Variants in RAB34 observed in about 807,000 individuals in gnomAD.
RAB34 encodes ras-related protein Rab-34.
Under a neutral mutation model 39.0 loss-of-function variants are expected in RAB34, and 33 were observed. The observed-to-expected ratio is 0.85, with a 90% CI of 0.64 to 1.13. The LOEUF (loss-of-function observed/expected upper bound fraction) is 1.13, where lower values mean the gene tolerates loss of function less well. Ranked by LOEUF, RAB34 falls within the 50% of genes most tolerant of loss-of-function variation. RAB34 has a pLI of 0.00. For synonymous variants in RAB34, 135 were observed against 125.1 expected (o/e 1.08, Z -0.53); for missense variants, 289 against 326.1 (o/e 0.89, Z 0.88).
At chr17:28,715,332 G>C (rs2033188338) in intron 6 of RAB34, 56 bp from the exon 7 acceptor site, 1 of 1,585,672 alleles carries the variant, frequency 6.3e-7, no homozygotes, top group Non-Finnish European at 8.6e-7. Flanking sequence ...CCCTCCCACT[G>C]ACATTCATAG....
rs376355510 is a variant in RAB34 at position 28,715,089 on chromosome 17, C to T, written c.547G>A (p.Ala183Thr). The change falls in exon 8 of 10, where the codon GCC becomes ACC. Residue 183 changes from alanine (A) to threonine (T), a missense_variant. Ala to Thr is a moderately conservative substitution (Grantham distance 58). Coordinates refer to ENST00000395245, the MANE Select transcript of RAB34 (RefSeq NM_031934.6). The part of the protein sequence containing the change: ...PAQYALMEKD[A>T]LQVAQEMKAE... ...TTCATCTCCTGGGCCACCTGGAGGG[C>T]GTCTTTCTCCATCAGCGCATACTGA... 8 of 1,614,082 alleles carry T rather than the reference C, an allele frequency of 5.0e-6. No homozygotes were observed. The African/African-American group carries it at 6.7e-5, about 13-fold the overall frequency.
Position 28,715,105 on chromosome 17 carries a change from C to T in RAB34, c.531G>A (p.Ala177=). The T allele has an allele frequency of 4.3e-6, 7 of 1,614,084 alleles. No homozygotes were observed. The highest frequency in any genetic ancestry group is 1.6e-4 in the Middle Eastern group (1 of 6,062). ...CCTGGAGGGCGTCTTTCTCCATCAG[C>T]GCATACTGAGCAGGGGTCTGAGGGA... ...KKDLSTPAQY[A]LMEKDALQVA... is the part of the protein sequence containing the mutation. The change falls in exon 8 of 10, where the codon GCG becomes GCA. Residue 177 remains alanine (A), a synonymous_variant. Transcript: ENST00000395245.
chr17:28,718,142 G>A (rs1205835827), upstream of RAB34: 1 of 1,611,208 alleles, frequency 6.2e-7, no homozygotes, highest in African/African-American at 1.3e-5. Flanking sequence ...TGGTGATGGG[G>A]AATCGGAGAC....
intron 2 of RAB34, chr17:28,716,351 G>T (rs1330021822): frequency 2.4e-6 from 1 of 424,746 alleles, no homozygotes; most frequent in Non-Finnish European, 4.2e-6. Flanking sequence ...AGTAAAGTTA[G>T]TATATATTTT....
chr17:28,715,514 G>C lies in RAB34; in HGVS notation c.380-7C>G, dbSNP rs200338745. On this transcript the variant is annotated splice_region_variant and splice_polypyrimidine_tract_variant and intron_variant, in intron 5 of 9. Coordinates refer to ENST00000395245, the MANE Select transcript of RAB34 (RefSeq NM_031934.6). ...TTGAAGACAATGATGATGGCTGGAA[G>C]AGTGGCAGAAACAGCCCCAGGTTGA... 1.2e-6 allele frequency: 2 copies of C among 1,614,156 alleles called. No homozygotes were observed. The highest frequency in any genetic ancestry group is 4.5e-5 in the East Asian group (2 of 44,888).
At position 28,717,249 on chromosome 17, in the gene RAB34, G is replaced by A. The variant is rs1315939915; in HGVS notation, c.18C>T (p.Pro6=). MNILA[P]VRRDRVLAEL... ...CCGCCAGGACGCGATCCCTCCGCACGGGTGCCAGAATGTTCATCCTGCCTG... is the reference window on the plus strand; with the variant it reads ...CCGCCAGGACGCGATCCCTCCGCACAGGTGCCAGAATGTTCATCCTGCCTG... The change falls in exon 1 of 10, where the codon CCC becomes CCT. Residue 6 remains proline, a synonymous_variant. Coordinates refer to ENST00000395245, the MANE Select transcript of RAB34 (RefSeq NM_031934.6). 2 of 1,606,192 alleles carry A rather than the reference G, an allele frequency of 1.2e-6. No individual in the cohort carries two copies. Among genetic ancestry groups the A allele is most frequent in the East Asian group, 2.2e-5 (1 of 44,726 alleles).
intron 1 of RAB34, 66 bp downstream of exon 1, chr17:28,717,147 G>A: frequency 6.5e-7 from 1 of 1,542,972 alleles, no homozygotes; most frequent in Non-Finnish European, 8.7e-7. Flanking sequence ...AACTGGTCTG[G>A]TGCCGCCTCC....
At chr17:28,717,189 G>T in intron 1 of RAB34, 24 bp downstream of exon 1, 1 of 1,588,662 alleles carries the variant, frequency 6.3e-7, no homozygotes. Context: ...GTAGACTGAA[G>T]CCCGACGTGG....
At chr17:28,717,880 C>T, upstream of RAB34, 2 of 1,360,356 alleles carry the variant, frequency 1.5e-6, no homozygotes, top group South Asian at 1.8e-5. Flanking sequence ...ACACGATCCC[C>T]GGAAATTCCT....
intron 7 of RAB34, 25 bp from the exon 8 acceptor site, chr17:28,715,147 G>A (rs373647808): frequency 9.9e-6 from 16 of 1,613,402 alleles, no homozygotes; most frequent in Non-Finnish European, 4.2e-6. Context: ...GAGTCAGAGG[G>A]GGGCATTCCC....
At chr17:28,718,217 A>T (rs2033873733), upstream of RAB34, 1 of 1,597,404 alleles carries the variant, frequency 6.3e-7, no homozygotes, top group Non-Finnish European at 8.5e-7. Flanking sequence ...GAAGGGGCCC[A>T]AGGAGAGGCG....
At position 28,717,248 on chromosome 17, in the gene RAB34, C is replaced by A; in HGVS notation, c.19G>T (p.Val7Leu). MNILAP[V>L]RRDRVLAELP... The stretch of plus-strand genomic sequence containing the variant: ...TCCGCCAGGACGCGATCCCTCCGCA[C>A]GGGTGCCAGAATGTTCATCCTGCCT... Residue 7 changes from valine to leucine, a missense_variant, in exon 1 of 10, where the codon GTG becomes TTG. Coordinates refer to ENST00000395245, the MANE Select transcript of RAB34 (RefSeq NM_031934.6). The A allele has an allele frequency of 2.5e-6, 4 of 1,606,320 alleles. No individual in the cohort carries two copies. The highest frequency in any genetic ancestry group is 3.4e-6 in the Non-Finnish European group (4 of 1,178,632).
rs2033801111 is a variant in RAB34, at chr17:28,717,832, C to A, written c.-566G>T. ...GAGGGGCCCAGTCCGGCTACAGGGC[C>A]TCGAGTCCCACTCCGCTCGGGCTCC... On this transcript the variant is annotated 5_prime_UTR_variant, in exon 1 of 10. The change creates a new upstream start codon in the 5' untranslated region. Coordinates refer to ENST00000395245, the MANE Select transcript of RAB34 (RefSeq NM_031934.6). The A allele has an allele frequency of 1.5e-6, 2 of 1,341,678 alleles. No homozygotes were observed. The highest frequency in any genetic ancestry group is 1.9e-6 in the Non-Finnish European group (2 of 1,053,646). The allele number at this position is 1,341,678 out of a possible 1,614,324, so 83.1% of individuals were successfully genotyped here. A position where few individuals can be genotyped will look rare whatever the true frequency, so the allele number is the denominator to read the frequency against.
intron 2 of RAB34, 29 bp from the exon 3 acceptor site, chr17:28,716,087 G>T: frequency 6.2e-7 from 1 of 1,613,242 alleles, no homozygotes; most frequent in Non-Finnish European, 8.5e-7. Flanking sequence ...GGCAAGGGGA[G>T]TGGGCACGAG....
chr17:28,717,302 G>C lies in RAB34; in HGVS notation c.-36C>G, dbSNP rs759945894. 6.4e-7 allele frequency: 1 copy of C among 1,565,294 alleles called. No individual in the cohort carries two copies. The highest frequency in any genetic ancestry group is 1.4e-5 in the African/African-American group (1 of 73,648). ...GCCTTGCAGGGCGCCCTGAGAAGGC[G>C]CCGAGGCCGGATCCGCGTCAGCGAC... On this transcript the variant is annotated 5_prime_UTR_variant, in exon 1 of 10. Transcript: ENST00000395245.
At position 28,714,459 on chromosome 17, in the gene RAB34, C is replaced by T. The variant is rs1162452360; in HGVS notation, c.*184G>A. 3.7e-5 allele frequency: 50 copies of T among 1,349,042 alleles called. No individual in the cohort carries two copies. Among genetic ancestry groups the T allele is most frequent in the South Asian group, 9.7e-5 (8 of 82,704 alleles). The allele number at this position is 1,349,042 out of a possible 1,614,324, so 83.6% of individuals were successfully genotyped here. A position where few individuals can be genotyped will look rare whatever the true frequency, so the allele number is the denominator to read the frequency against. On this transcript the variant is annotated 3_prime_UTR_variant, in exon 10 of 10. Transcript: ENST00000395245. ...AGTAGGGGGCATCCAGTCTTTGGCA[C>T]GGTGCCTGGGGGCAGGAAGTGACTA...
At position 28,714,431 on chromosome 17, in the gene RAB34, A is replaced by C. The variant is rs1329086023; in HGVS notation, c.*212T>G. ...ACTGGGCGCCCTGGACAGTCCCCTG[A>C]GGAGTAGGGGGCATCCAGTCTTTGG... is the stretch of plus-strand genomic sequence containing the variant. On this transcript the variant is annotated 3_prime_UTR_variant, in exon 10 of 10. Coordinates refer to ENST00000395245, the MANE Select transcript of RAB34 (RefSeq NM_031934.6). 4.2e-6 allele frequency: 4 copies of C among 962,882 alleles called. No homozygotes were observed. The highest frequency in any genetic ancestry group is 1.4e-5 in the South Asian group (1 of 69,298). The allele number at this position is 962,882 out of a possible 1,614,324, so 59.6% of individuals were successfully genotyped here.
At position 28,716,969 on chromosome 17, in the gene RAB34, T is replaced by C. The variant is rs1434119142; in HGVS notation, c.80A>G (p.His27Arg). The change falls in exon 2 of 10, where the codon CAC (histidine) becomes CGC (arginine). Residue 27 changes from histidine (H) to arginine (R), a missense_variant. Transcript: ENST00000395245. ...PQCLRKEAAL[H>R]GHKDFHPRVT... is the part of the protein sequence containing the mutation. ...GCGGGGGTGGAAGTCTTTGTGCCCG[T>C]GCAAAGCGGCCTCCTTCCTCAGGCA... The C allele has an allele frequency of 6.2e-7, 1 of 1,613,660 alleles. No homozygotes were observed. The highest frequency in any genetic ancestry group is 1.3e-5 in the African/African-American group (1 of 75,030).
chr17:28,716,224 A>C, intron 2 of RAB34, 166 bp from the exon 3 acceptor site: 2 of 831,818 alleles, frequency 2.4e-6, no homozygotes, highest in Middle Eastern at 3.7e-4. Flanking sequence ...GGGGAGGAGG[A>C]GTGTTTTGTG....
Sources: gnomAD v4.1 joint callset for allele counts on GRCh38, gnomAD v4.1.1 for gene constraint, MANE v1.5 for transcripts, NCBI Gene and HGNC (gene_info 2026-07-23, HGNC 2026-07-21) for gene names.